The following MRPL2 variants were observed in gnomAD, a reference collection of about 807,000 sequenced individuals.
MRPL2 encodes the protein large ribosomal subunit protein uL2m.
A neutral mutation model predicts 34.6 loss-of-function variants in MRPL2; 27 were observed. That is an observed-to-expected ratio of 0.78 (90% CI 0.58 to 1.08). The LOEUF (loss-of-function observed/expected upper bound fraction) is 1.08. MRPL2 is among the 50% of genes least tolerant of loss of function. The probability of loss-of-function intolerance (pLI) is 0.00; values close to 1 mark genes in which losing one functional copy is unlikely to be tolerated. For missense variants in MRPL2, 414 were observed against 419.3 expected (o/e 0.99, Z 0.11); for synonymous variants, 155 against 158.0 (o/e 0.98, Z 0.14).
chr6:43,059,618 A>G, upstream of MRPL2: 2 of 1,383,994 alleles, frequency 1.4e-6, no homozygotes, highest in Non-Finnish European at 1.9e-6. Flanking sequence ...AATTGCCTCG[A>G]GCGGCAGCCA....
intron 6 of MRPL2, 136 bp downstream of exon 6, chr6:43,055,409 C>A: frequency 1.3e-6 from 1 of 777,530 alleles, no homozygotes; most frequent in South Asian, 1.7e-5. Context: ...ACACCTGAGT[C>A]ATGTGGCAGA....
intron 2 of MRPL2, among the ~76,000 whole-genome samples, chr6:43,056,738 G>A (rs1193177274): frequency 6.6e-6 from 1 of 152,128 alleles, no homozygotes; most frequent in Non-Finnish European, 1.5e-5. Context: ...GCAGTGGTGC[G>A]ATCTCGGCTC....
chr6:43,059,808 T>C, upstream of MRPL2: 1 of 1,165,102 alleles, frequency 8.6e-7, no homozygotes. Flanking sequence ...CCTCCAAAAC[T>C]CCGCCCTTCG....
chr6:43,054,189 C>CA lies in MRPL2; in HGVS notation c.*84dup, dbSNP rs375123914. The CA allele has an allele frequency of 3.8e-4, 381 of 1,002,228 alleles. 1 individual carries two copies. Among genetic ancestry groups the CA allele is most frequent in the Middle Eastern group, 9.8e-4 (3 of 3,050 alleles). The allele number at this position is 1,002,228 out of a possible 1,614,324, so 62.1% of individuals were successfully genotyped here. On this transcript the variant is annotated 3_prime_UTR_variant, in exon 7 of 7. Coordinates refer to ENST00000388752, the MANE Select transcript of MRPL2 (RefSeq NM_015950.5). ...CTCCCCCGCAAAAAAAAAACAACAA[C>CA]AAAAAAAACAAAAAACACCCAAAAC...
chr6:43,059,086 T>C, intron 1 of MRPL2, 200 bp downstream of exon 1: 1 of 1,497,792 alleles, frequency 6.7e-7, no homozygotes. Context: ...ACTTTCACCT[T>C]AAGTATCTCG....
chr6:43,054,195 AAAC>A lies in MRPL2; in HGVS notation c.*76_*78del. The A allele has an allele frequency of 1.7e-6, 2 of 1,153,364 alleles. No homozygotes were observed. Among genetic ancestry groups the A allele is most frequent in the East Asian group, 2.4e-5 (1 of 42,142 alleles). The allele number at this position is 1,153,364 out of a possible 1,614,324, so 71.4% of individuals were successfully genotyped here. A position where few individuals can be genotyped will look rare whatever the true frequency, so the allele number is the denominator to read the frequency against. On this transcript the variant is annotated 3_prime_UTR_variant, in exon 7 of 7. Coordinates refer to ENST00000388752, the MANE Select transcript of MRPL2 (RefSeq NM_015950.5). ...CGCAAAAAAAAAACAACAACAAAAAAAACAAAAAACACCCAAAACAAAACCACA... is the reference window on the plus strand; with the variant it reads ...CGCAAAAAAAAAACAACAACAAAAAAAAAAAACACCCAAAACAAAACCACA...
intron 6 of MRPL2, 140 bp from the exon 7 acceptor site, chr6:43,054,626 A>T: frequency 4.5e-6 from 3 of 672,944 alleles, no homozygotes; most frequent in Non-Finnish European, 7.5e-6. Flanking sequence ...GGCTGACACT[A>T]AGTGAAGGTC....
In MRPL2 at chr6:43,056,166, G is replaced by A; in HGVS notation, c.435C>T (p.Gly145=). 1 of 1,614,134 alleles carries A rather than the reference G, an allele frequency of 6.2e-7. No individual in the cohort carries two copies. ...RSADIALVAG[G]SRKRWIIATE... is the part of the protein sequence containing the mutation. ...TGGCGATGATCCAGCGTTTCCGGCTGCCCCCAGCAACCAGAGCTATGTCTG... is the reference window on the plus strand; with the variant it reads ...TGGCGATGATCCAGCGTTTCCGGCTACCCCCAGCAACCAGAGCTATGTCTG... The change falls in exon 4 of 7, where the codon GGC becomes GGT. Residue 145 remains glycine, a synonymous_variant. Transcript: ENST00000388752.
Position 43,055,577 on chromosome 6 carries a change from T to A in MRPL2, c.673A>T (p.Ile225Phe). Residue 225 changes from isoleucine (I) to phenylalanine (F), a missense_variant, in exon 6 of 7, where the codon ATT becomes TTT. Ile to Phe is a conservative substitution (Grantham distance 21, BLOSUM62 0). Transcript: ENST00000388752. Reference sequence around the variant, plus strand: ...TGCCTCTTAGAGGGCAGCTGGATAATGGCTGTGCCATTCACCTTCCGCAGT... The same window carrying A: ...TGCCTCTTAGAGGGCAGCTGGATAAAGGCTGTGCCATTCACCTTCCGCAGT... ...VLLRKVNGTAIIQLPSKRQMQ... is the reference protein window; with the variant it reads ...VLLRKVNGTAFIQLPSKRQMQ... The A allele has an allele frequency of 6.2e-7, 1 of 1,614,106 alleles. No homozygotes were observed. The highest frequency in any genetic ancestry group is 2.2e-5 in the East Asian group (1 of 44,888).
At position 43,056,116 on chromosome 6, in the gene MRPL2, G is replaced by GT; in HGVS notation, c.484dup (p.Thr162AsnfsTer6). The stretch of plus-strand genomic sequence containing the variant: ...GCCTATGTGGTTAGAGTTCAAGATT[G>GT]TATCTCCAGCCTGCATGTTTTCTGT... On this transcript the variant is annotated frameshift_variant, in exon 4 of 7. Coordinates refer to ENST00000388752, the MANE Select transcript of MRPL2 (RefSeq NM_015950.5). LOFTEE classifies it high-confidence loss of function. 2 of 1,614,182 alleles carry GT rather than the reference G, an allele frequency of 1.2e-6. No individual in the cohort carries two copies. Among genetic ancestry groups the GT allele is most frequent in the Non-Finnish European group, 1.7e-6 (2 of 1,180,044 alleles).
chr6:43,057,084 C>CT (rs1196293251), intron 2 of MRPL2, among the ~76,000 whole-genome samples: 1 of 152,208 alleles, frequency 6.6e-6, no homozygotes, highest in African/African-American at 2.4e-5. Context: ...GGGTCTCACT[C>CT]TGTTGCCCAG....
Position 43,058,086 on chromosome 6 carries a change from A to T in MRPL2, c.244T>A (p.Ser82Thr). 6.2e-7 allele frequency: 1 copy of T among 1,612,416 alleles called. No homozygotes were observed. The change falls in exon 2 of 7, where the codon TCT becomes ACT. Residue 82 changes from serine to threonine, a missense_variant. Transcript: ENST00000388752. ...YTITPVKMRK[S>T]GGRDHTGRIR... ...CCACCTGTGTGGTCTCGGCCCCCAG[A>T]CTTCCTCATCTTCACTGGTGTAATG... is the stretch of plus-strand genomic sequence containing the variant.
chr6:43,059,482 G>GA (rs201373372), upstream of MRPL2: 46,932 of 1,450,468 alleles, frequency 0.032, 874 homozygotes, highest in Non-Finnish European at 0.037. Context: ...GAGGCGGGCA[G>GA]AAAACTGGAG....
In MRPL2 at chr6:43,055,923, C is replaced by G. The variant is rs1259187369; in HGVS notation, c.605G>C (p.Arg202Pro). 6.2e-7 allele frequency: 1 copy of G among 1,613,898 alleles called. No individual in the cohort carries two copies. Among genetic ancestry groups the G allele is most frequent in the South Asian group, 1.1e-5 (1 of 91,072 alleles). ...TGCAGCTCGGATATATTGGGCACCC[C>G]GGCCTGGCTCACTTTCCACGTTGTT... The part of the protein sequence containing the change: ...LINNVESEPG[R>P]GAQYIRAAGT... The change falls in exon 5 of 7, where the codon CGG (arginine) becomes CCG (proline). Residue 202 changes from arginine to proline, a missense_variant. Transcript: ENST00000388752.
chr6:43,059,849 A>G (rs1765043792), upstream of MRPL2: 3 of 1,189,114 alleles, frequency 2.5e-6, no homozygotes, highest in Non-Finnish European at 2.1e-6. Flanking sequence ...GCGTCCAGAC[A>G]GATAGACAGA....
chr6:43,058,009 G>T, intron 2 of MRPL2, 56 bp downstream of exon 2: 1 of 1,578,294 alleles, frequency 6.3e-7, no homozygotes, highest in Non-Finnish European at 8.7e-7. Context: ...TACAAGTCTA[G>T]GGTCTTAACA....
chr6:43,054,562 G>C, intron 6 of MRPL2, 76 bp from the exon 7 acceptor site: 2 of 1,324,422 alleles, frequency 1.5e-6, no homozygotes, highest in Non-Finnish European at 2.1e-6. Flanking sequence ...ACACCCTTGG[G>C]GGGCTTCTTA....
chr6:43,054,322 G>T lies in MRPL2; in HGVS notation c.870C>A (p.Pro290=). Reference sequence around the variant, plus strand: ...GCAGCTTCACGTAACTCTTCATGGGGGGTAGTGGCCGAATCTTTCGGCCAG... The same window carrying T: ...GCAGCTTCACGTAACTCTTCATGGGTGGTAGTGGCCGAATCTTTCGGCCAG... ...GWAGRKIRPL[P]PMKSYVKLPS... The change falls in exon 7 of 7, where the codon CCC becomes CCA. Residue 290 remains proline, a synonymous_variant. Transcript: ENST00000388752. 6.2e-7 allele frequency: 1 copy of T among 1,613,964 alleles called. No homozygotes were observed. The highest frequency in any genetic ancestry group is 1.1e-5 in the South Asian group (1 of 91,066).
chr6:43,055,107 G>A (rs1764798943), intron 6 of MRPL2, among the ~76,000 whole-genome samples: 1 of 151,634 alleles, frequency 6.6e-6, no homozygotes, highest in Admixed American at 6.6e-5. Context: ...GCTCACTCCT[G>A]TAATCTCAGC....
Sources: gnomAD v4.1 joint callset for allele counts (sites outside exome capture counted in the v4.1 genomes callset) on GRCh38, gnomAD v4.1.1 for gene constraint, MANE v1.5 for transcripts, NCBI Gene and HGNC (gene_info 2026-07-23, HGNC 2026-07-21) for gene names.